Variants in OR2V2 observed in about 807,000 individuals in gnomAD.
The protein encoded by OR2V2 is olfactory receptor family 2 subfamily V member 2.
For synonymous variants in OR2V2, 161 were observed against 151.3 expected (o/e 1.06, Z -0.47); for missense variants, 392 against 392.2 (o/e 1.00, Z 0.00).
chr5:181,158,340 G>A lies in OR2V2; in HGVS notation c.*2450G>A, dbSNP rs1336635953. On this transcript the variant is annotated 3_prime_UTR_variant, in exon 2 of 2. Coordinates refer to ENST00000641492, the MANE Select transcript of OR2V2 (RefSeq NM_206880.2). The stretch of plus-strand genomic sequence containing the variant: ...AATATAGAGAGGAAATACATGTGGG[G>A]GGGGGGCAGGTGCGGTGGCTCACAT... 1 of 151,818 alleles carries A rather than the reference G, an allele frequency of 6.6e-6. No homozygotes were observed. The highest frequency in any genetic ancestry group is 2.4e-5 in the African/African-American group (1 of 41,300). 9.4% of individuals were successfully genotyped at this position (151,818 alleles called of 1,614,324 possible). A position where few individuals can be genotyped will look rare whatever the true frequency, so the allele number is the denominator to read the frequency against.
At position 181,156,039 on chromosome 5, in the gene OR2V2, G is replaced by GTTCTTTCTTTCTTTTTCTTTCT; in HGVS notation, c.*163_*164insTTCTTTCTTTCTTTCTTTCTTT. 8.1e-6 allele frequency: 4 copies of GTTCTTTCTTTCTTTTTCTTTCT among 493,946 alleles called. No individual in the cohort carries two copies. The highest frequency in any genetic ancestry group is 1.4e-5 in the Non-Finnish European group (4 of 291,424). The allele number at this position is 493,946 out of a possible 1,614,324, so 30.6% of individuals were successfully genotyped here. On this transcript the variant is annotated 3_prime_UTR_variant, in exon 2 of 2. Transcript: ENST00000641492. The stretch of plus-strand genomic sequence containing the variant: ...GAAGGTCTTTTTAAACACTACATCA[G>GTTCTTTCTTTCTTTTTCTTTCT]TTCTTTCTTTCTTTCTTTCTTTCTT...
rs571927808 is a variant in OR2V2, at chr5:181,156,369, G to C, written c.*479G>C. On this transcript the variant is annotated 3_prime_UTR_variant, in exon 2 of 2. Transcript: ENST00000641492. Reference sequence around the variant, plus strand: ...CTGGACTCAAGCAATCCACCTTCCAGAGTGCTGAGATTACAGGCGTGAGCC... The same window carrying C: ...CTGGACTCAAGCAATCCACCTTCCACAGTGCTGAGATTACAGGCGTGAGCC... 3.2e-4 allele frequency: 50 copies of C among 155,844 alleles called. No homozygotes were observed. The highest frequency in any genetic ancestry group is 7.6e-4 in the Admixed American group (12 of 15,828). The allele number at this position is 155,844 out of a possible 1,614,324, so 9.7% of individuals were successfully genotyped here.
intron 1 of OR2V2, among the ~76,000 whole-genome samples, chr5:181,151,733 G>T (rs1182087293): frequency 6.6e-6 from 1 of 152,150 alleles, no homozygotes; most frequent in Non-Finnish European, 1.5e-5. Context: ...GCTGGGAGGG[G>T]CGTCTGGGAT....
rs545822282 is a variant in OR2V2 at position 181,147,716 on chromosome 5, G to T, written c.-304G>T. ...GGCTCCACCTCTCCTGCCAGCACCAGCTCCTTCCCTGAGCCTGTTTCTCCC... is the reference window on the plus strand; with the variant it reads ...GGCTCCACCTCTCCTGCCAGCACCATCTCCTTCCCTGAGCCTGTTTCTCCC... On this transcript the variant is annotated 5_prime_UTR_variant, in exon 1 of 2. Coordinates refer to ENST00000641492, the MANE Select transcript of OR2V2 (RefSeq NM_206880.2). 7.6e-5 allele frequency: 26 copies of T among 344,140 alleles called. No individual in the cohort carries two copies. The highest frequency in any genetic ancestry group is 1.1e-4 in the Non-Finnish European group (21 of 192,806). The allele number at this position is 344,140 out of a possible 1,614,324, so 21.3% of individuals were successfully genotyped here.
chr5:181,153,724 A>G (rs1015171856), intron 1 of OR2V2, among the ~76,000 whole-genome samples: 3 of 152,112 alleles, frequency 2.0e-5, no homozygotes, highest in Admixed American at 6.5e-5. Context: ...ATCAAGGGAA[A>G]CCCCTCTTTA....
chr5:181,154,031 C>T (rs575603306), intron 1 of OR2V2, among the ~76,000 whole-genome samples: 11 of 152,160 alleles, frequency 7.2e-5, no homozygotes, highest in Non-Finnish European at 1.3e-4. Context: ...CTGTCACTCG[C>T]GGTATGACTG....
rs139837455 is a variant in OR2V2, at chr5:181,153,167, C to T, written c.-24-1752C>T. Among the ~76,000 whole-genome samples, 393 of 152,302 alleles carry T rather than the reference C, an allele frequency of 2.6e-3. 2 individuals carry two copies. The highest frequency in any genetic ancestry group is 8.4e-3 in the African/African-American group (349 of 41,562). On this transcript the variant is annotated intron_variant, in intron 1 of 1. Transcript: ENST00000641492. ...TTGGAGGGCGAAGACAAGGCTCAGC[C>T]GGGTGAGAGCGTGACGCCAGTGATA...
At chr5:181,149,206 G>T (rs866593979) in intron 1 of OR2V2, among the ~76,000 whole-genome samples, 1 of 152,172 alleles carries the variant, frequency 6.6e-6, no homozygotes, top group African/African-American at 2.4e-5. Flanking sequence ...GTGGCCAGGC[G>T]GGGGCTGGCA....
Position 181,155,262 on chromosome 5 carries a change from G to C in OR2V2, c.320G>C (p.Cys107Ser), listed in dbSNP as rs150930261. The change falls in exon 2 of 2, where the codon TGT becomes TCT. Residue 107 changes from cysteine to serine, a missense_variant. Coordinates refer to ENST00000641492, the MANE Select transcript of OR2V2 (RefSeq NM_206880.2). ...GGCATACAAATTGGCCTCTTTGTCT[G>C]TCTTGTGGGATCTGAGGGGCTCTTG... ...GCGIQIGLFV[C>S]LVGSEGLLLG... 8 of 1,585,674 alleles carry C rather than the reference G, an allele frequency of 5.0e-6. No individual in the cohort carries two copies. In the African/African-American group the frequency reaches 5.5e-5, roughly 11 times the overall value.
At chr5:181,152,818 A>G (rs1254480872) in intron 1 of OR2V2, among the ~76,000 whole-genome samples, 1 of 152,238 alleles carries the variant, frequency 6.6e-6, no homozygotes, top group East Asian at 1.9e-4. Flanking sequence ...ACAAGGTGCC[A>G]ACAGCTGAAC....
In OR2V2 at chr5:181,158,816, C is replaced by T. The variant is rs1224017120; in HGVS notation, c.*2926C>T. ...TGCTCAAGGCCAGTTTTTTTTTTGC[C>T]AACTACCTTACCAAATCCTTTCCCA... On this transcript the variant is annotated 3_prime_UTR_variant, in exon 2 of 2. Coordinates refer to ENST00000641492, the MANE Select transcript of OR2V2 (RefSeq NM_206880.2). The T allele has an allele frequency of 2.0e-5, 3 of 150,826 alleles. No homozygotes were observed. In the East Asian group the frequency reaches 5.8e-4, roughly 29 times the overall value. The allele number at this position is 150,826 out of a possible 1,614,324, so 9.3% of individuals were successfully genotyped here. A position where few individuals can be genotyped will look rare whatever the true frequency, so the allele number is the denominator to read the frequency against.
Position 181,155,392 on chromosome 5 carries a change from G to A in OR2V2, c.450G>A (p.Trp150Ter), listed in dbSNP as rs1262686191. The A allele has an allele frequency of 6.2e-7, 1 of 1,614,052 alleles. No individual in the cohort carries two copies. The highest frequency in any genetic ancestry group is 8.5e-7 in the Non-Finnish European group (1 of 1,180,038). Residue 150 changes from tryptophan to a stop codon, truncating the protein, a stop_gained, in exon 2 of 2, where the codon TGG becomes TGA. Transcript: ENST00000641492. LOFTEE classifies it low-confidence loss of function (END_TRUNC). ...RVCLQITGSSWAFGIIDGLIQ... is the reference protein window; with the variant it reads ...RVCLQITGSS ...GTCTCCAGATTACTGGGAGCTCCTG[G>A]GCCTTTGGGATAATCGATGGCTTGA...
intron 1 of OR2V2, among the ~76,000 whole-genome samples, chr5:181,154,589 CAAAA>C (rs57898232): frequency 8.7e-6 from 1 of 115,046 alleles, no homozygotes; most frequent in Non-Finnish European, 1.9e-5. Flanking sequence ...GACTCCATCT[CAAAA>C]AAAAAAAAAA....
chr5:181,149,605 G>T (rs1223758972), intron 1 of OR2V2, among the ~76,000 whole-genome samples: 1 of 152,196 alleles, frequency 6.6e-6, no homozygotes, highest in African/African-American at 2.4e-5. Context: ...AAGCCCCACA[G>T]AACCTCCCTC....
Position 181,155,070 on chromosome 5 carries a change from A to G in OR2V2, c.128A>G (p.Asn43Ser), listed in dbSNP as rs746142362. ...MAVFTVALCG[N>S]VLLIFLIYMD... ...GTCTTCACAGTGGCCCTCTGTGGGA[A>G]TGTCCTCCTCATCTTCCTCATCTAC... Residue 43 changes from asparagine (N) to serine (S), a missense_variant, in exon 2 of 2, where the codon AAT becomes AGT. Physicochemically the swap from Asn to Ser is conservative, Grantham distance 46. Transcript: ENST00000641492. 1.2e-6 allele frequency: 2 copies of G among 1,613,988 alleles called. No individual in the cohort carries two copies. The highest frequency in any genetic ancestry group is 2.2e-5 in the South Asian group (2 of 91,072).
rs1763273256 is a variant in OR2V2, at chr5:181,156,908, T to C, written c.*1018T>C. Reference sequence around the variant, plus strand: ...GAGACATGCTTGCTTGTGTATTCAGTGGAAATCCCCCAAGCCTGCTGTCTC... The same window carrying C: ...GAGACATGCTTGCTTGTGTATTCAGCGGAAATCCCCCAAGCCTGCTGTCTC... On this transcript the variant is annotated 3_prime_UTR_variant, in exon 2 of 2. Transcript: ENST00000641492. The C allele has an allele frequency of 1.3e-5, 2 of 152,380 alleles. No individual in the cohort carries two copies. Among genetic ancestry groups the C allele is most frequent in the Middle Eastern group, 6.8e-3 (2 of 296 alleles). 9.4% of individuals were successfully genotyped at this position (152,380 alleles called of 1,614,324 possible).
At chr5:181,148,930 G>T (rs749988892) in intron 1 of OR2V2, among the ~76,000 whole-genome samples, 4 of 152,206 alleles carry the variant, frequency 2.6e-5, no homozygotes, top group Admixed American at 6.5e-5. Context: ...TTGTCCTGCT[G>T]TGTGAGGGAA....
At position 181,155,325 on chromosome 5, in the gene OR2V2, G is replaced by A. The variant is rs1763247354; in HGVS notation, c.383G>A (p.Ser128Asn). The change falls in exon 2 of 2, where the codon AGC becomes AAC. Residue 128 changes from serine to asparagine, a missense_variant. Ser to Asn is a conservative substitution (Grantham distance 46). Coordinates refer to ENST00000641492, the MANE Select transcript of OR2V2 (RefSeq NM_206880.2). ...LMAYDRYVAI[S>N]HPLHYPILMN... The stretch of plus-strand genomic sequence containing the variant: ...GCTTATGACCGCTATGTGGCCATTA[G>A]CCACCCACTTCACTATCCCATCCTC... 1 of 1,614,158 alleles carries A rather than the reference G, an allele frequency of 6.2e-7. No individual in the cohort carries two copies. Among genetic ancestry groups the A allele is most frequent in the African/African-American group, 1.3e-5 (1 of 75,032 alleles).
intron 1 of OR2V2, among the ~76,000 whole-genome samples, chr5:181,152,328 C>T (rs1763201913): frequency 6.6e-6 from 1 of 152,190 alleles, no homozygotes; most frequent in South Asian, 2.1e-4. Flanking sequence ...GGAAAATATC[C>T]TGAGGGGGTA....
Sources: gnomAD v4.1 joint callset for allele counts (sites outside exome capture counted in the v4.1 genomes callset) on GRCh38, gnomAD v4.1.1 for gene constraint, MANE v1.5 for transcripts, NCBI Gene and HGNC (gene_info 2026-07-23, HGNC 2026-07-21) for gene names.